Variants in CREBRF observed in about 807,000 individuals in gnomAD.
CREBRF encodes the protein UPF0474 protein C5orf41.
CREBRF carries 5 observed loss-of-function variants against 66.1 expected under a neutral mutation model. The observed-to-expected ratio is 0.08, with a 90% CI of 0.04 to 0.16. CREBRF has a LOEUF of 0.16. Among genes scored for constraint, CREBRF ranks in the 10% least tolerant of loss-of-function variants. CREBRF has a pLI of 1.00. For synonymous variants in CREBRF, 229 were observed against 264.4 expected, an observed-to-expected ratio of 0.87 and a Z score of 1.30; for missense variants, 531 against 744.9, an observed-to-expected ratio of 0.71 and a Z score of 3.34.
At chr5:173,116,515 G>C (rs1758994132) in intron 7 of CREBRF, among the ~76,000 whole-genome samples, 1 of 152,108 alleles carries the variant, frequency 6.6e-6, no homozygotes, top group Non-Finnish European at 1.5e-5. Context: ...CTTTCACTCA[G>C]CATAATTATT....
Position 173,091,238 on chromosome 5 carries a change from T to C in CREBRF, c.1059T>C (p.Ser353=). The stretch of plus-strand genomic sequence containing the variant: ...TGGGTGAACAGCCAACTAAATGCAG[T>C]CCTGAAGAAGATGAGGAGGACGAGG... ...DNLGEQPTKC[S]PEEDEEDEED... The change falls in exon 4 of 9, where the codon AGT becomes AGC. Residue 353 remains serine, a synonymous_variant. Coordinates refer to ENST00000296953, the MANE Select transcript of CREBRF (RefSeq NM_153607.3). 1 of 1,614,020 alleles carries C rather than the reference T, an allele frequency of 6.2e-7. No individual in the cohort carries two copies. The highest frequency in any genetic ancestry group is 8.5e-7 in the Non-Finnish European group (1 of 1,180,002).
intron 2 of CREBRF, among the ~76,000 whole-genome samples, chr5:173,082,014 T>TTTTTTTTTTTTTTTTTTTTTG (rs1757966771): frequency 2.6e-5 from 3 of 113,858 alleles, no homozygotes; most frequent in Non-Finnish European, 5.8e-5. Flanking sequence ...TTTTTTTTTT[T>TTTTTTTTTTTTTTTTTTTTTG]TTTTTTTTTT....
chr5:173,091,459 A>G (rs764242822), intron 4 of CREBRF, 58 bp downstream of exon 4: 10 of 1,555,134 alleles, frequency 6.4e-6, no homozygotes, highest in Non-Finnish European at 8.7e-6. Flanking sequence ...TTTGAAATAG[A>G]AAGGTTTTTG....
chr5:173,066,900 G>T (rs984494328), intron 1 of CREBRF, among the ~76,000 whole-genome samples: 5 of 125,600 alleles, frequency 4.0e-5, no homozygotes, highest in African/African-American at 1.5e-4. Flanking sequence ...TTGTATCCTT[G>T]ACCTCCTGGG....
chr5:173,113,441 TG>T (rs1758913996), intron 7 of CREBRF, among the ~76,000 whole-genome samples: 1 of 152,156 alleles, frequency 6.6e-6, no homozygotes, highest in Non-Finnish European at 1.5e-5. Flanking sequence ...CCTGAATAGC[TG>T]GGACTACAGG....
intron 1 of CREBRF, among the ~76,000 whole-genome samples, chr5:173,067,147 G>T (rs376058689): frequency 1.2e-4 from 19 of 152,160 alleles, no homozygotes; most frequent in African/African-American, 4.1e-4. Context: ...CTTTGTCATT[G>T]TATGGACATA....
At chr5:173,082,428 A>G (rs1157317812) in intron 2 of CREBRF, among the ~76,000 whole-genome samples, 1 of 151,932 alleles carries the variant, frequency 6.6e-6, no homozygotes, top group Non-Finnish European at 1.5e-5. Flanking sequence ...AAGTAGGGGG[A>G]AGATAAGAGA....
At chr5:173,078,581 C>T (rs1304361672) in intron 1 of CREBRF, among the ~76,000 whole-genome samples, 5 of 144,670 alleles carry the variant, frequency 3.5e-5, no homozygotes, top group African/African-American at 1.0e-4. Context: ...TTTTTTGAGA[C>T]GGGGTCTTGC....
intron 1 of CREBRF, chr5:173,057,588 G>C (rs1190952527): frequency 6.6e-6 from 1 of 152,424 alleles, no homozygotes; most frequent in Non-Finnish European, 1.5e-5. Flanking sequence ...TGACAGACCT[G>C]GCCGCCAAAC....
At chr5:173,129,174 T>C (rs969008105) in intron 8 of CREBRF, among the ~76,000 whole-genome samples, 1 of 133,252 alleles carries the variant, frequency 7.5e-6, no homozygotes, top group African/African-American at 2.9e-5. Flanking sequence ...TGGAGTGCAG[T>C]GGCGCGATCT....
intron 8 of CREBRF, among the ~76,000 whole-genome samples, chr5:173,132,768 T>C (rs1354065713): frequency 6.7e-6 from 1 of 148,370 alleles, no homozygotes; most frequent in Admixed American, 6.8e-5. Context: ...CCTGGGTAAT[T>C]TTGTGTTTTC....
chr5:173,111,296 A>G (rs1471541216), intron 6 of CREBRF, among the ~76,000 whole-genome samples: 2 of 150,360 alleles, frequency 1.3e-5, no homozygotes, highest in Non-Finnish European at 3.0e-5. Flanking sequence ...TTTTTTTGAG[A>G]CAGAGTCTCA....
At chr5:173,107,960 T>C (rs1394231393) in intron 4 of CREBRF, among the ~76,000 whole-genome samples, 3 of 151,256 alleles carry the variant, frequency 2.0e-5, no homozygotes, top group Non-Finnish European at 4.4e-5. Context: ...GCCTCCCGAG[T>C]AGCTGGGATT....
rs559425809 is a variant in CREBRF, at chr5:173,068,609, T to A, written c.-191-11976T>A. ...TATAGAGATGACTAGTTTGCAGCTT[T>A]ATGAATGACTTTGTGAGTCCAGAGA... On this transcript the variant is annotated intron_variant, in intron 1 of 8. Coordinates refer to ENST00000296953, the MANE Select transcript of CREBRF (RefSeq NM_153607.3). Among the ~76,000 whole-genome samples the A allele has an allele frequency of 8.7e-4, 133 of 152,192 alleles. 1 individual carries two copies. Among genetic ancestry groups the A allele is most frequent in the Non-Finnish European group, 1.5e-3 (104 of 68,040 alleles).
intron 1 of CREBRF, among the ~76,000 whole-genome samples, chr5:173,079,482 A>AG (rs1468765397): frequency 6.6e-6 from 1 of 151,896 alleles, no homozygotes; most frequent in African/African-American, 2.4e-5. Context: ...AAAAAAAAAA[A>AG]AAGGAAATTA....
At chr5:173,067,199 C>T (rs1454689285) in intron 1 of CREBRF, among the ~76,000 whole-genome samples, 1 of 152,152 alleles carries the variant, frequency 6.6e-6, no homozygotes, top group Non-Finnish European at 1.5e-5. Flanking sequence ...ATTTGCATTG[C>T]TTCCAGATTT....
chr5:173,069,321 T>C (rs1211805987), intron 1 of CREBRF, among the ~76,000 whole-genome samples: 1 of 152,110 alleles, frequency 6.6e-6, no homozygotes, highest in Non-Finnish European at 1.5e-5. Flanking sequence ...GAGTCTGGAA[T>C]GAAATTCTTT....
chr5:173,128,637 A>G (rs1172948519), intron 8 of CREBRF, among the ~76,000 whole-genome samples: 1 of 151,774 alleles, frequency 6.6e-6, no homozygotes, highest in Non-Finnish European at 1.5e-5. Context: ...CACGAAGTAC[A>G]CTTCTTGTCT....
Position 173,138,481 on chromosome 5 carries a change from GGTA to G in CREBRF, c.*4742_*4744del, listed in dbSNP as rs1416364301. Reference sequence around the variant, plus strand: ...CCATTTTTGTTTAGAGAGTTTTGGAGGTAGTAGTGAGGGGACAGAGCCTTAAAA... The same window carrying G: ...CCATTTTTGTTTAGAGAGTTTTGGAGGTAGTGAGGGGACAGAGCCTTAAAA... On this transcript the variant is annotated 3_prime_UTR_variant, in exon 9 of 9. Transcript: ENST00000296953. 1 of 152,152 alleles carries G rather than the reference GGTA, an allele frequency of 6.6e-6. No homozygotes were observed. The highest frequency in any genetic ancestry group is 1.5e-5 in the Non-Finnish European group (1 of 68,026). The allele number at this position is 152,152 out of a possible 1,614,324, so 9.4% of individuals were successfully genotyped here.
Sources: allele counts gnomAD v4.1 joint callset (sites outside exome capture counted in the v4.1 genomes callset), GRCh38; gene constraint gnomAD v4.1.1; transcripts MANE v1.5; gene names NCBI Gene and HGNC (gene_info 2026-07-23, HGNC 2026-07-21).